CCDC85C: variants seen among roughly 807,000 people sequenced by gnomAD.
CCDC85C encodes the protein coiled-coil domain containing 85C.
A neutral mutation model predicts 38.3 loss-of-function variants in CCDC85C; 18 were observed. That is an observed-to-expected ratio of 0.47 (90% CI 0.33 to 0.70). The LOEUF (loss-of-function observed/expected upper bound fraction) is 0.70. CCDC85C is among the 30% of genes least tolerant of loss of function. The pLI, the probability that CCDC85C is intolerant of heterozygous loss-of-function variation, is 0.03. For missense variants in CCDC85C, 566 were observed against 621.2 expected (o/e 0.91, Z 0.94); for synonymous variants, 264 against 293.8 (o/e 0.90, Z 1.04).
At chr14:99,557,499 C>T (rs937753286) in intron 1 of CCDC85C, among the ~76,000 whole-genome samples, 4 of 152,214 alleles carry the variant, frequency 2.6e-5, no homozygotes, top group African/African-American at 4.8e-5. Flanking sequence ...CATCTAGTGT[C>T]CATCTTTAAA....
At position 99,603,652 on chromosome 14, in the gene CCDC85C, C is replaced by T; in HGVS notation, c.308G>A (p.Arg103His). ...GTGGCGCCCGAAGCGCTGCCACTCG[C>T]GCGCCAGCTTGCGCCCCTTCTGCCG... is the stretch of plus-strand genomic sequence containing the variant. ...DDRQKGRKLA[R>H]EWQRFGRHAA... The change falls in exon 1 of 6, where the codon CGC (arginine) becomes CAC (histidine). Residue 103 changes from arginine to histidine, a missense_variant. Around this residue, in one of 3 missense-constraint regions of CCDC85C, gnomAD observed 269 missense variants for 308.2 expected, o/e 0.87. Coordinates refer to ENST00000380243, the MANE Select transcript of CCDC85C (RefSeq NM_001144995.2). This position sits in a 1 kb window ranked among gnomAD's most constrained non-coding sequence, Gnocchi z 7.5. 2.7e-6 allele frequency: 4 copies of T among 1,479,356 alleles called. No individual in the cohort carries two copies. The highest frequency in any genetic ancestry group is 3.6e-6 in the Non-Finnish European group (4 of 1,115,664). The allele number at this position is 1,479,356 out of a possible 1,614,324, so 91.6% of individuals were successfully genotyped here. A position where few individuals can be genotyped will look rare whatever the true frequency, so the allele number is the denominator to read the frequency against.
At chr14:99,591,697 A>C in intron 1 of CCDC85C, among the ~76,000 whole-genome samples, 1 of 142,050 alleles carries the variant, frequency 7.0e-6, no homozygotes. Context: ...GGAAGCCCCG[A>C]CTCCATACTC....
At chr14:99,599,059 A>G (rs901556653) in intron 1 of CCDC85C, among the ~76,000 whole-genome samples, 1 of 152,008 alleles carries the variant, frequency 6.6e-6, no homozygotes, top group Non-Finnish European at 1.5e-5. Context: ...TTTGTTCCTG[A>G]GCTTGGCTGG....
At chr14:99,580,903 G>A (rs1243937101) in intron 1 of CCDC85C, among the ~76,000 whole-genome samples, 9 of 152,298 alleles carry the variant, frequency 5.9e-5, no homozygotes, top group Non-Finnish European at 1.2e-4. Flanking sequence ...TCTTCTTCCA[G>A]AAGACATGGG....
chr14:99,592,175 G>A (rs1173617765), intron 1 of CCDC85C, among the ~76,000 whole-genome samples: 1 of 152,352 alleles, frequency 6.6e-6, no homozygotes, highest in South Asian at 2.1e-4. Flanking sequence ...CCCATGCGAA[G>A]GCAGGGTGGT....
At chr14:99,570,457 C>T (rs547709394) in intron 1 of CCDC85C, among the ~76,000 whole-genome samples, 1 of 152,340 alleles carries the variant, frequency 6.6e-6, no homozygotes, top group South Asian at 2.1e-4. Flanking sequence ...ACGGACACCA[C>T]TCTGTGGATG....
chr14:99,596,568 C>T (rs2055145347), intron 1 of CCDC85C, among the ~76,000 whole-genome samples: 1 of 152,238 alleles, frequency 6.6e-6, no homozygotes, highest in South Asian at 2.1e-4. Context: ...CCCCGGCTGA[C>T]CCGGCTCCAG....
rs60431041 is a variant in CCDC85C, at chr14:99,519,279, C to CTTTTTT, written c.976-2102_976-2097dup. ...TACAGATGCACACCACCATGCCCAGCTTTTTTTTTTTTTTTTTGGTAGAGA... is the reference window on the plus strand; with the variant it reads ...TACAGATGCACACCACCATGCCCAGCTTTTTTTTTTTTTTTTTTTTTTTGGTAGAGA... On this transcript the variant is annotated intron_variant, in intron 3 of 5. Transcript: ENST00000380243. Among the ~76,000 whole-genome samples the CTTTTTT allele has an allele frequency of 4.1e-3, 508 of 122,818 alleles. 6 individuals are homozygous for CTTTTTT. The highest frequency in any genetic ancestry group is 0.014 in the African/African-American group (451 of 31,732). The allele number at this position is 122,818 out of a possible 152,430, so 80.6% of individuals were successfully genotyped here.
intron 1 of CCDC85C, among the ~76,000 whole-genome samples, chr14:99,537,703 C>A (rs1042542927): frequency 6.6e-5 from 10 of 152,198 alleles, no homozygotes; most frequent in African/African-American, 2.2e-4. Context: ...CAGACCACCC[C>A]TGCCCTCAGG....
rs1897004193 is a variant in CCDC85C at position 99,507,477 on chromosome 14, A to T, written c.*7769T>A. On this transcript the variant is annotated 3_prime_UTR_variant, in exon 6 of 6. Transcript: ENST00000380243. The stretch of plus-strand genomic sequence containing the variant: ...CTACTTAGGAGTCTGAGATGGGAAG[A>T]TCATTTGAGCCCTGGGCAGTCAAGG... 3.5e-6 allele frequency: 1 copy of T among 289,154 alleles called. No homozygotes were observed. The highest frequency in any genetic ancestry group is 6.7e-6 in the Non-Finnish European group (1 of 149,444). The allele number at this position is 289,154 out of a possible 1,614,324, so 17.9% of individuals were successfully genotyped here. A position where few individuals can be genotyped will look rare whatever the true frequency, so the allele number is the denominator to read the frequency against.
At position 99,500,303 on chromosome 14, in the gene CCDC85C, C is replaced by T. The variant is rs1896793031; in HGVS notation, c.*14943G>A. On this transcript the variant is annotated 3_prime_UTR_variant, in exon 6 of 6. Coordinates refer to ENST00000380243, the MANE Select transcript of CCDC85C (RefSeq NM_001144995.2). The stretch of plus-strand genomic sequence containing the variant: ...ACATGAGTATATATACACACACATA[C>T]ACACACACTGGTACAATTTATCTCT... 1 of 183,968 alleles carries T rather than the reference C, an allele frequency of 5.4e-6. No individual in the cohort carries two copies. The highest frequency in any genetic ancestry group is 1.1e-5 in the Non-Finnish European group (1 of 88,256). 11.4% of individuals were successfully genotyped at this position (183,968 alleles called of 1,614,324 possible). A position where few individuals can be genotyped will look rare whatever the true frequency, so the allele number is the denominator to read the frequency against.
intron 2 of CCDC85C, among the ~76,000 whole-genome samples, chr14:99,525,883 G>A (rs1246688945): frequency 6.6e-6 from 1 of 152,202 alleles, no homozygotes; most frequent in Non-Finnish European, 1.5e-5. Flanking sequence ...GGGGACCTGC[G>A]AGGCTCCTCC....
At chr14:99,549,065 G>T (rs971234334) in intron 1 of CCDC85C, among the ~76,000 whole-genome samples, 1 of 152,176 alleles carries the variant, frequency 6.6e-6, no homozygotes, top group South Asian at 2.1e-4. Flanking sequence ...GACACACAGG[G>T]TGCCTCCGCT....
At chr14:99,541,848 C>T (rs1897719226) in intron 1 of CCDC85C, among the ~76,000 whole-genome samples, 1 of 152,192 alleles carries the variant, frequency 6.6e-6, no homozygotes, top group African/African-American at 2.4e-5. Flanking sequence ...GGCGAGGGAG[C>T]TGCAGTGACA....
rs139759844 is a variant in CCDC85C at position 99,502,144 on chromosome 14, G to A, written c.*13102C>T. The stretch of plus-strand genomic sequence containing the variant: ...TAATGGTTAGTTATGGCATCTCCAT[G>A]CACTGGTTTAATCATAAATATTAGA... On this transcript the variant is annotated 3_prime_UTR_variant, in exon 6 of 6. Coordinates refer to ENST00000380243, the MANE Select transcript of CCDC85C (RefSeq NM_001144995.2). 1.2e-5 allele frequency: 18 copies of A among 1,487,210 alleles called. No homozygotes were observed. The African/African-American group carries it at 2.3e-4, about 19-fold the overall frequency. 92.1% of individuals were successfully genotyped at this position (1,487,210 alleles called of 1,614,324 possible).
intron 1 of CCDC85C, among the ~76,000 whole-genome samples, chr14:99,599,135 C>T (rs564234265): frequency 7.9e-5 from 12 of 152,304 alleles, no homozygotes; most frequent in Non-Finnish European, 1.5e-4. Flanking sequence ...AGTTAGCGTG[C>T]TCTGTCTTTT....
chr14:99,554,626 C>G (rs1228130318), intron 1 of CCDC85C, among the ~76,000 whole-genome samples: 1 of 152,196 alleles, frequency 6.6e-6, no homozygotes, highest in African/African-American at 2.4e-5. Context: ...CCCACAGGCC[C>G]AGGTCTGACC....
At position 99,507,935 on chromosome 14, in the gene CCDC85C, TG is replaced by T. The variant is rs1897016169; in HGVS notation, c.*7310del. On this transcript the variant is annotated 3_prime_UTR_variant, in exon 6 of 6. Transcript: ENST00000380243. ...TGTAAAGTAGATGGCATTCTTTACC[TG>T]TGGCACCATTTCAGAAGGTGATGCG... is the stretch of plus-strand genomic sequence containing the variant. 6.6e-6 allele frequency: 1 copy of T among 152,256 alleles called. No homozygotes were observed. Among genetic ancestry groups the T allele is most frequent in the Admixed American group, 6.5e-5 (1 of 15,292 alleles). The allele number at this position is 152,256 out of a possible 1,614,324, so 9.4% of individuals were successfully genotyped here. A position where few individuals can be genotyped will look rare whatever the true frequency, so the allele number is the denominator to read the frequency against.
intron 1 of CCDC85C, among the ~76,000 whole-genome samples, chr14:99,555,122 G>T (rs890758554): frequency 2.6e-5 from 4 of 152,266 alleles, no homozygotes; most frequent in Admixed American, 2.6e-4. Context: ...TGGCCTTGCT[G>T]GAAGTGAGGC....
Sources: allele counts gnomAD v4.1 joint callset (sites outside exome capture counted in the v4.1 genomes callset), GRCh38; gene constraint gnomAD v4.1.1; regional missense constraint gnomAD v4.1.1; non-coding constraint Gnocchi (gnomAD v3.1); transcripts MANE v1.5; gene names NCBI Gene and HGNC (gene_info 2026-07-23, HGNC 2026-07-21).